TTC28: variants seen among roughly 807,000 people sequenced by gnomAD.
The protein encoded by TTC28 is tetratricopeptide repeat protein 28.
A neutral mutation model predicts 198.0 loss-of-function variants in TTC28; 61 were observed. The observed-to-expected ratio is 0.31, with a 90% CI of 0.25 to 0.38. The LOEUF is 0.38. Among genes scored for constraint, TTC28 ranks in the 10% least tolerant of loss-of-function variants. TTC28 has a pLI of 1.00. For synonymous variants in TTC28, 1,171 were observed against 1,297.8 expected (o/e 0.90, Z 2.10); for missense variants, 2,678 against 3,164.0 (o/e 0.85, Z 3.69).
chr22:28,410,162 T>C (rs1327504707), intron 2 of TTC28, among the ~76,000 whole-genome samples: 2 of 152,216 alleles, frequency 1.3e-5, no homozygotes, highest in Non-Finnish European at 2.9e-5. Flanking sequence ...CCTCAAGTGA[T>C]CTGCCCACCT....
chr22:28,372,560 A>G lies in TTC28; in HGVS notation c.382-65917T>C, dbSNP rs572329761. Reference sequence around the variant, plus strand: ...TTTTTTTTTTTTTAATTAGAAGGAAAGAGGTAGAAGACACTGATGTCTATT... The same window carrying G: ...TTTTTTTTTTTTTAATTAGAAGGAAGGAGGTAGAAGACACTGATGTCTATT... On this transcript the variant is annotated intron_variant, in intron 2 of 22. Coordinates refer to ENST00000397906, the MANE Select transcript of TTC28 (RefSeq NM_001145418.2). Among the ~76,000 whole-genome samples, 7 of 151,286 alleles carry G rather than the reference A, an allele frequency of 4.6e-5. No homozygotes were observed. In the South Asian group the frequency reaches 1.5e-3, roughly 32 times the overall value.
At chr22:28,199,388 TATATATATATA>T (rs1925691294) in intron 5 of TTC28, among the ~76,000 whole-genome samples, 1 of 5,966 alleles carries the variant, frequency 1.7e-4, no homozygotes, top group Admixed American at 1.8e-3. Flanking sequence ...AAAAATTATA[TATATATATATA>T]TATATATATA....
chr22:28,352,335 A>G (rs186731191), intron 2 of TTC28, among the ~76,000 whole-genome samples: 13 of 133,818 alleles, frequency 9.7e-5, no homozygotes, highest in South Asian at 7.5e-4. Context: ...ATATATATAT[A>G]TCTCCCGGTA....
At chr22:28,129,436 T>C (rs1943003118) in intron 6 of TTC28, among the ~76,000 whole-genome samples, 1 of 152,258 alleles carries the variant, frequency 6.6e-6, no homozygotes. Flanking sequence ...CCCTTTCTCA[T>C]TCCAAGATGT....
intron 2 of TTC28, among the ~76,000 whole-genome samples, chr22:28,534,827 C>A (rs1249321466): frequency 2.0e-5 from 3 of 152,048 alleles, no homozygotes; most frequent in African/African-American, 7.2e-5. Flanking sequence ...AAACCAAACA[C>A]CACATGTTCT....
chr22:28,297,483 G>T, intron 4 of TTC28, 97 bp downstream of exon 4: 1 of 1,390,388 alleles, frequency 7.2e-7, no homozygotes. Context: ...TGAGCAACCA[G>T]GCGATCACTT....
At position 28,491,103 on chromosome 22, in the gene TTC28, T is replaced by C. The variant is rs1384361503; in HGVS notation, c.381+138449A>G. On this transcript the variant is annotated intron_variant, in intron 2 of 22. Transcript: ENST00000397906. Reference sequence around the variant, plus strand: ...TCTTCAACTTTGTCATTCCTTCTTGTCCACCTGCTTCTCTCCATCCCATCT... The same window carrying C: ...TCTTCAACTTTGTCATTCCTTCTTGCCCACCTGCTTCTCTCCATCCCATCT... 2.0e-5 allele frequency among the ~76,000 whole-genome samples: 3 copies of C among 152,272 alleles called. No homozygotes were observed. In the South Asian group the frequency reaches 6.2e-4, roughly 32 times the overall value.
chr22:28,317,644 G>A (rs987185858), intron 2 of TTC28, among the ~76,000 whole-genome samples: 1 of 152,228 alleles, frequency 6.6e-6, no homozygotes, highest in East Asian at 1.9e-4. Context: ...TTGCTCTCAT[G>A]AGCTCACTCC....
At position 28,014,365 on chromosome 22, in the gene TTC28, G is replaced by T. The variant is rs1408770872; in HGVS notation, c.4101C>A (p.Phe1367Leu). 2 of 1,551,182 alleles carry T rather than the reference G, an allele frequency of 1.3e-6. No individual in the cohort carries two copies. The highest frequency in any genetic ancestry group is 1.4e-5 in the African/African-American group (1 of 73,016). Residue 1367 changes from phenylalanine (F) to leucine (L), a missense_variant, in exon 14 of 23, where the codon TTC becomes TTA. Coordinates refer to ENST00000397906, the MANE Select transcript of TTC28 (RefSeq NM_001145418.2). ...CCTGGGTCGGTGACACAGTGTTACT[G>T]AACAGGCTCGTCATGCTCTGGCAGC... ...NRSCQSMTSLFSNTVSPTQDG... is the reference protein window; with the variant it reads ...NRSCQSMTSLLSNTVSPTQDG...
intron 5 of TTC28, among the ~76,000 whole-genome samples, chr22:28,271,114 A>T (rs1383951471): frequency 7.7e-5 from 11 of 142,638 alleles, no homozygotes; most frequent in South Asian, 2.3e-4. Flanking sequence ...TTTTTTCAGT[A>T]TTTTTTTTTT....
chr22:28,355,937 G>A lies in TTC28; in HGVS notation c.382-49294C>T, dbSNP rs181834934. ...GGCTGGCCTTGAGCCACATTAAAGG[G>A]GCTCACACTGCCCTCCTCTATTCGG... On this transcript the variant is annotated intron_variant, in intron 2 of 22. Coordinates refer to ENST00000397906, the MANE Select transcript of TTC28 (RefSeq NM_001145418.2). 2.0e-5 allele frequency among the ~76,000 whole-genome samples: 3 copies of A among 152,290 alleles called. No homozygotes were observed. The East Asian group carries it at 5.8e-4, about 29-fold the overall frequency.
intron 2 of TTC28, among the ~76,000 whole-genome samples, chr22:28,619,225 A>T (rs1262088706): frequency 1.3e-5 from 2 of 152,232 alleles, no homozygotes; most frequent in African/African-American, 4.8e-5. Flanking sequence ...GATGTATTAA[A>T]TAACTTGTAT....
chr22:28,412,184 T>C (rs565840735), intron 2 of TTC28, among the ~76,000 whole-genome samples: 2 of 152,206 alleles, frequency 1.3e-5, no homozygotes, highest in Admixed American at 1.3e-4. Flanking sequence ...ATCTGTTCTT[T>C]AGAAGATGAA....
At chr22:28,425,912 T>C (rs2047342382) in intron 2 of TTC28, among the ~76,000 whole-genome samples, 1 of 152,138 alleles carries the variant, frequency 6.6e-6, no homozygotes, top group South Asian at 2.1e-4. Context: ...GCAGCTAGCT[T>C]CCCTCAACAA....
chr22:28,419,991 T>C (rs1212390395), intron 2 of TTC28, among the ~76,000 whole-genome samples: 1 of 152,208 alleles, frequency 6.6e-6, no homozygotes, highest in African/African-American at 2.4e-5. Flanking sequence ...GAGTTACCAA[T>C]CTTATCATGA....
chr22:28,308,826 A>G (rs557876689), intron 2 of TTC28, among the ~76,000 whole-genome samples: 1 of 152,340 alleles, frequency 6.6e-6, no homozygotes, highest in African/African-American at 2.4e-5. Flanking sequence ...GTCTTCCCTT[A>G]TGCCCTTCCA....
chr22:28,117,048 G>A (rs1457345190), intron 6 of TTC28, among the ~76,000 whole-genome samples: 1 of 152,234 alleles, frequency 6.6e-6, no homozygotes, highest in African/African-American at 2.4e-5. Flanking sequence ...CCACTCGTGA[G>A]AAGTTAGGCA....
At chr22:28,296,918 T>A (rs2044907490) in intron 4 of TTC28, among the ~76,000 whole-genome samples, 1 of 152,178 alleles carries the variant, frequency 6.6e-6, no homozygotes, top group Admixed American at 6.5e-5. Context: ...CTAAACCCAG[T>A]AGTCAGGCTC....
intron 21 of TTC28, among the ~76,000 whole-genome samples, 184 bp downstream of exon 21, chr22:27,989,694 C>T (rs1389412089): frequency 6.6e-6 from 1 of 152,088 alleles, no homozygotes; most frequent in Non-Finnish European, 1.5e-5. Context: ...GTGTTCCTCC[C>T]CCTCAGCCTC....
Sources: gnomAD v4.1 joint callset for allele counts (sites outside exome capture counted in the v4.1 genomes callset) on GRCh38, gnomAD v4.1.1 for gene constraint, MANE v1.5 for transcripts, NCBI Gene and HGNC (gene_info 2026-07-23, HGNC 2026-07-21) for gene names.